Variants in ATP9A observed in about 807,000 individuals in gnomAD.
The protein encoded by ATP9A is ATPase phospholipid transporting 9A, also known as probable phospholipid-transporting ATPase IIA.
ATP9A carries 52 observed loss-of-function variants against 144.1 expected under a neutral mutation model. The ratio of observed to expected loss-of-function variants is 0.36; its 90% CI spans 0.29 to 0.45. ATP9A has a LOEUF of 0.45. ATP9A is among the 20% of genes least tolerant of loss of function. ATP9A has a pLI of 1.00. For synonymous variants in ATP9A, 582 were observed against 557.4 expected (o/e 1.04, Z -0.62); for missense variants, 947 against 1,392.7 (o/e 0.68, Z 5.09).
rs369870306 is a variant in ATP9A at position 51,696,237 on chromosome 20, G to T, written c.496-93C>A. 14 of 1,118,856 alleles carry T rather than the reference G, an allele frequency of 1.3e-5. No individual in the cohort carries two copies. In the East Asian group the frequency reaches 3.3e-4, roughly 26 times the overall value. 69.3% of individuals were successfully genotyped at this position (1,118,856 alleles called of 1,614,324 possible). ...CTTCCGCCCCCACCCCCAACCCCTC[G>T]GTGGGTTGGGGCAGGGGGGACTGAA... On this transcript the variant is annotated intron_variant, in intron 5 of 27. Transcript: ENST00000338821.
At chr20:51,692,949 T>C (rs920094876) in intron 7 of ATP9A, among the ~76,000 whole-genome samples, 16 of 152,170 alleles carry the variant, frequency 1.1e-4, no homozygotes, top group South Asian at 2.1e-4. Context: ...GGAACTTTCC[T>C]CCTCCCTCAG....
chr20:51,668,522 AAC>A (rs1050268455), intron 13 of ATP9A, among the ~76,000 whole-genome samples: 9 of 152,102 alleles, frequency 5.9e-5, no homozygotes, highest in African/African-American at 1.9e-4. Flanking sequence ...GGAACAACAT[AAC>A]AGAGTCCAGC....
At chr20:51,697,991 G>A (rs1009603206) in intron 4 of ATP9A, among the ~76,000 whole-genome samples, 23 of 152,168 alleles carry the variant, frequency 1.5e-4, no homozygotes, top group Non-Finnish European at 8.8e-5. Flanking sequence ...AACAGTAAAA[G>A]CTAACATTAA....
intron 14 of ATP9A, among the ~76,000 whole-genome samples, chr20:51,652,056 G>A (rs2077368832): frequency 6.6e-6 from 1 of 152,172 alleles, no homozygotes; most frequent in Non-Finnish European, 1.5e-5. Flanking sequence ...AGAAACAAAG[G>A]CTTGGAAAGT....
chr20:51,762,551 CA>C (rs1235802090), intron 1 of ATP9A, among the ~76,000 whole-genome samples: 42 of 151,566 alleles, frequency 2.8e-4, no homozygotes, highest in African/African-American at 9.9e-4. Flanking sequence ...CCCAGCTACG[CA>C]GGAGGCCGAT....
intron 14 of ATP9A, among the ~76,000 whole-genome samples, chr20:51,651,156 A>ATATATATATATATATATGTG (rs11268017): frequency 7.9e-6 from 1 of 126,954 alleles, no homozygotes; most frequent in East Asian, 2.3e-4. Context: ...CTCTCTCCAT[A>ATATATATATATATATATGTG]TATATATATA....
Position 51,627,699 on chromosome 20 carries a change from C to T in ATP9A, c.1762-16G>A, listed in dbSNP as rs1424472757. 2.5e-6 allele frequency: 4 copies of T among 1,611,948 alleles called. No individual in the cohort carries two copies. Among genetic ancestry groups the T allele is most frequent in the East Asian group, 4.5e-5 (2 of 44,850 alleles). On this transcript the variant is annotated splice_polypyrimidine_tract_variant and intron_variant, in intron 16 of 27. Transcript: ENST00000338821. ...TGTTGCCACACTGAAAAATAGACCACGGTCGAGTGGGAGCGGTGCTGAGAG... is the reference window on the plus strand; with the variant it reads ...TGTTGCCACACTGAAAAATAGACCATGGTCGAGTGGGAGCGGTGCTGAGAG...
chr20:51,718,733 T>C (rs1037018980), intron 3 of ATP9A, among the ~76,000 whole-genome samples: 16 of 141,722 alleles, frequency 1.1e-4, no homozygotes, highest in Non-Finnish European at 1.6e-4. Flanking sequence ...GAGAATCACT[T>C]GAGCCTGGGA....
intron 4 of ATP9A, 74 bp downstream of exon 4, chr20:51,712,892 G>C: frequency 7.3e-7 from 1 of 1,368,422 alleles, no homozygotes; most frequent in East Asian, 2.5e-5. Flanking sequence ...CCCGGGCCTT[G>C]AACTCTTCTC....
intron 3 of ATP9A, among the ~76,000 whole-genome samples, chr20:51,720,403 T>C (rs2077683630): frequency 1.3e-5 from 2 of 152,196 alleles, no homozygotes; most frequent in African/African-American, 4.8e-5. Context: ...ACTATAGAGT[T>C]TGTAACTCTT....
intron 17 of ATP9A, among the ~76,000 whole-genome samples, chr20:51,626,495 A>G (rs1431500164): frequency 2.7e-5 from 1 of 37,016 alleles, no homozygotes; most frequent in Admixed American, 2.6e-4. Flanking sequence ...TGTCACAAAT[A>G]AAAAAAAAAA....
intron 8 of ATP9A, 48 bp from the exon 9 acceptor site, chr20:51,689,187 G>A: frequency 6.4e-7 from 1 of 1,569,966 alleles, no homozygotes; most frequent in Non-Finnish European, 8.8e-7. Flanking sequence ...AGCTTCCCCA[G>A]AATCCACAGG....
chr20:51,658,888 C>CGGTTGG (rs746874247), intron 13 of ATP9A, among the ~76,000 whole-genome samples: 1 of 54,852 alleles, frequency 1.8e-5, no homozygotes, highest in Non-Finnish European at 3.3e-5. Flanking sequence ...AGACCACTGG[C>CGGTTGG]GGGGGGGGGG....
At chr20:51,632,080 A>AT (rs969339005) in intron 15 of ATP9A, among the ~76,000 whole-genome samples, 2 of 151,692 alleles carry the variant, frequency 1.3e-5, no homozygotes, top group East Asian at 1.9e-4. Flanking sequence ...CTTTTTCTTT[A>AT]TTTTTTTGAG....
At chr20:51,767,811 C>T (rs1281484970) in intron 1 of ATP9A, among the ~76,000 whole-genome samples, 1 of 152,194 alleles carries the variant, frequency 6.6e-6, no homozygotes, top group Non-Finnish European at 1.5e-5. Context: ...GGCTGGGACC[C>T]AGGGGCGCTG....
chr20:51,747,736 G>A (rs533647791), intron 1 of ATP9A, among the ~76,000 whole-genome samples: 2 of 152,136 alleles, frequency 1.3e-5, no homozygotes, highest in East Asian at 3.9e-4. Flanking sequence ...CTGCTCAGCA[G>A]ACCTGACTCC....
chr20:51,619,395 C>T (rs539720187), intron 19 of ATP9A, among the ~76,000 whole-genome samples: 1 of 152,116 alleles, frequency 6.6e-6, no homozygotes, highest in African/African-American at 2.4e-5. Context: ...GAAACCCACT[C>T]TCTACTAAAA....
rs1352713523 is a variant in ATP9A at position 51,649,778 on chromosome 20, G to A, written c.1506+7160C>T. ...AAAAATTCAAAATTAGCCGGGCGTG[G>A]TGGTAGATGCCTGTAGTCCCAGCTA... On this transcript the variant is annotated intron_variant, in intron 14 of 27. Coordinates refer to ENST00000338821, the MANE Select transcript of ATP9A (RefSeq NM_006045.3). Among the ~76,000 whole-genome samples the A allele has an allele frequency of 4.6e-5, 7 of 152,058 alleles. No homozygotes were observed. The East Asian group carries it at 1.2e-3, about 25-fold the overall frequency.
intron 9 of ATP9A, among the ~76,000 whole-genome samples, chr20:51,681,094 CAGG>C (rs1415452579): frequency 1.3e-5 from 2 of 152,224 alleles, no homozygotes; most frequent in Non-Finnish European, 2.9e-5. Context: ...CTCCTCCTCC[CAGG>C]AGATGACCTC....
Sources: allele counts gnomAD v4.1 joint callset (sites outside exome capture counted in the v4.1 genomes callset), GRCh38; gene constraint gnomAD v4.1.1; transcripts MANE v1.5; gene names NCBI Gene and HGNC (gene_info 2026-07-23, HGNC 2026-07-21).